ZNF69: variants seen among roughly 807,000 people sequenced by gnomAD.
ZNF69 encodes the protein zinc finger protein 69.
Under a neutral mutation model 50.9 loss-of-function variants are expected in ZNF69, and 47 were observed. That is an observed-to-expected ratio of 0.92 (90% CI 0.73 to 1.18). The LOEUF is 1.18. Ranked by LOEUF, ZNF69 falls within the 50% of genes most tolerant of loss-of-function variation. ZNF69 has a pLI of 0.00. For synonymous variants in ZNF69, 216 were observed against 223.1 expected (o/e 0.97, Z 0.29); for missense variants, 717 against 675.1 (o/e 1.06, Z -0.69).
the ZNF69 span, chr19:11,946,811 A>G: frequency 6.0e-6 from 1 of 166,212 alleles, no homozygotes; most frequent in Non-Finnish European, 1.2e-5. Context: ...TTCTTTCGAG[A>G]CAAGACAACA....
chr19:11,970,938 T>TA, the ZNF69 span, among the ~76,000 whole-genome samples: 143 of 148,872 alleles, frequency 9.6e-4, no homozygotes, highest in African/African-American at 3.1e-3. Context: ...TTTCAAAAAA[T>TA]AAAAAAAAAA....
chr19:11,955,019 T>G, the ZNF69 span, among the ~76,000 whole-genome samples: 14 of 140,598 alleles, frequency 1.0e-4, no homozygotes, highest in Admixed American at 3.5e-4. Context: ...TTTTTTTTTT[T>G]TTGAGACAAA....
chr19:11,900,606 C>A (rs563587858), intron 1 of ZNF69, among the ~76,000 whole-genome samples: 69 of 152,300 alleles, frequency 4.5e-4, no homozygotes, highest in African/African-American at 1.6e-3. Flanking sequence ...CCCGTCTCTG[C>A]CTCCCAAAGT....
At chr19:11,923,859 C>T in the ZNF69 span, among the ~76,000 whole-genome samples, 1 of 152,174 alleles carries the variant, frequency 6.6e-6, no homozygotes, top group Non-Finnish European at 1.5e-5. Context: ...ACGTTGAGGA[C>T]AGTCTCTGCA....
chr19:11,967,857 A>G, the ZNF69 span, among the ~76,000 whole-genome samples: 4 of 152,360 alleles, frequency 2.6e-5, no homozygotes, highest in African/African-American at 9.6e-5. Flanking sequence ...AGCTGTGCCT[A>G]CGTGCATGTG....
At chr19:11,959,255 TA>T in the ZNF69 span, among the ~76,000 whole-genome samples, 1 of 152,184 alleles carries the variant, frequency 6.6e-6, no homozygotes, top group Non-Finnish European at 1.5e-5. Context: ...CCTTAATGAG[TA>T]GTTTGGTAAC....
chr19:11,974,612 C>CG, the ZNF69 span, among the ~76,000 whole-genome samples: 5 of 58,664 alleles, frequency 8.5e-5, no homozygotes, highest in South Asian at 4.4e-4. Flanking sequence ...TTTTTTTGGG[C>CG]GGGGGGGTGG....
At chr19:11,974,645 C>G in the ZNF69 span, among the ~76,000 whole-genome samples, 1 of 149,588 alleles carries the variant, frequency 6.7e-6, no homozygotes, top group African/African-American at 2.5e-5. Flanking sequence ...CTCTGTCGCC[C>G]AGGCTGGAGT....
At chr19:11,896,217 T>TAAA (rs138289885) in intron 1 of ZNF69, among the ~76,000 whole-genome samples, 15 of 63,856 alleles carry the variant, frequency 2.3e-4, no homozygotes, top group African/African-American at 7.7e-4. Flanking sequence ...GAAACTCCAT[T>TAAA]AAAAAAAAAA....
intron 1 of ZNF69, among the ~76,000 whole-genome samples, chr19:11,889,359 G>A (rs185272529): frequency 6.6e-6 from 1 of 152,292 alleles, no homozygotes; most frequent in Non-Finnish European, 1.5e-5. Context: ...GGTATAAGGA[G>A]GCCTGTCTCA....
chr19:11,965,007 A>G, the ZNF69 span: 14 of 505,946 alleles, frequency 2.8e-5, no homozygotes, highest in Admixed American at 9.3e-5. Flanking sequence ...GGCCCTGCCC[A>G]TTGTTTATCC....
chr19:11,939,862 A>G, the ZNF69 span: 1 of 152,344 alleles, frequency 6.6e-6, no homozygotes, highest in Admixed American at 6.5e-5. Context: ...ACAAATCTAC[A>G]TAAGTTCTGT....
the ZNF69 span, among the ~76,000 whole-genome samples, chr19:11,963,685 C>T: frequency 2.6e-4 from 39 of 152,152 alleles, no homozygotes; most frequent in Non-Finnish European, 8.8e-5. Context: ...ACAGCACCCC[C>T]GTCCCATGGA....
At chr19:11,913,391 ATCT>A in intron 4 of ZNF69, 1 of 564,010 alleles carries the variant, frequency 1.8e-6, no homozygotes, top group Non-Finnish European at 3.1e-6. Context: ...AATTTTTCTT[ATCT>A]TTTTTTTTTT....
chr19:11,979,474 TGGGA>T, the ZNF69 span: 1 of 1,604,018 alleles, frequency 6.2e-7, no homozygotes, highest in South Asian at 1.1e-5. Context: ...GTAAGACATG[TGGGA>T]AAGGCTTTTA....
In ZNF69 at chr19:11,905,044, G is replaced by A. The variant is rs1221947333; in HGVS notation, c.647G>A (p.Gly216Glu). The A allele has an allele frequency of 3.7e-6, 6 of 1,614,134 alleles. No individual in the cohort carries two copies. In the South Asian group the frequency reaches 6.6e-5, roughly 18 times the overall value. ...SIQRHVVMHS[G>E]DGPYKCKFCG... The stretch of plus-strand genomic sequence containing the variant: ...CAAAGACACGTGGTAATGCACAGTG[G>A]GGATGGACCTTATAAATGTAAATTT... Residue 216 changes from glycine to glutamate, a missense_variant, in exon 4 of 4, where the codon GGG becomes GAG. Transcript: ENST00000429654.
At chr19:11,977,015 T>C in the ZNF69 span, 1 of 1,613,884 alleles carries the variant, frequency 6.2e-7, no homozygotes, top group African/African-American at 1.3e-5. Flanking sequence ...CCCAGCCTCC[T>C]CTACACATGT....
chr19:11,962,727 A>G, the ZNF69 span, among the ~76,000 whole-genome samples: 1 of 152,148 alleles, frequency 6.6e-6, no homozygotes, highest in Non-Finnish European at 1.5e-5. Flanking sequence ...AGAGCAGTTA[A>G]CCGGAACTAT....
chr19:11,932,961 T>C, the ZNF69 span, among the ~76,000 whole-genome samples: 1 of 148,486 alleles, frequency 6.7e-6, no homozygotes. Context: ...TATATTGGAT[T>C]TTATTTAAAC....
Sources: allele counts gnomAD v4.1 joint callset (sites outside exome capture counted in the v4.1 genomes callset), GRCh38; gene constraint gnomAD v4.1.1; transcripts MANE v1.5; gene names NCBI Gene and HGNC (gene_info 2026-07-23, HGNC 2026-07-21).